Variants in IGBP1 observed in about 807,000 individuals in gnomAD.
IGBP1 encodes the protein immunoglobulin-binding protein 1.
Under a neutral mutation model 25.9 loss-of-function variants are expected in IGBP1, and 2 were observed. That is an observed-to-expected ratio of 0.08 (90% confidence interval 0.03 to 0.24). The LOEUF is 0.24. Ranked by LOEUF, IGBP1 falls within the 10% of genes least tolerant of loss-of-function variation. IGBP1 has a pLI of 1.00. For missense variants in IGBP1, 187 were observed against 260.4 expected, an observed-to-expected ratio of 0.72 and a Z score of 1.94; for synonymous variants, 96 against 93.4, an observed-to-expected ratio of 1.03 and a Z score of -0.16.
At chrX:70,141,327 A>C (rs2085128665) in intron 3 of IGBP1, among the ~76,000 whole-genome samples, 1 of 109,367 alleles carries the variant, frequency 9.1e-6, no homozygotes, top group Non-Finnish European at 1.9e-5. Flanking sequence ...AGCCTGGGCG[A>C]CAGAGCAAGA....
rs1383163755 is a variant in IGBP1, at chrX:70,133,522, C to T, written c.-244C>T. 2.9e-6 allele frequency: 1 copy of T among 341,312 alleles called. No individual in the cohort carries two copies. The highest frequency in any genetic ancestry group is 5.0e-6 in the Non-Finnish European group (1 of 198,303). 28.1% of individuals were successfully genotyped at this position (341,312 alleles called of 1,213,427 possible). On this transcript the variant is annotated 5_prime_UTR_variant, in exon 1 of 7. Coordinates refer to ENST00000356413, the MANE Select transcript of IGBP1 (RefSeq NM_001551.3). ...GGCTAGAGTCCCTGGACTCCTCAAC[C>T]TAGGGAGCTACTCGCGAGGTAAGGG...
rs2085155048 is a variant in IGBP1 at position 70,144,723 on chromosome X, G to A, written c.483-1910G>A. 9.3e-5 allele frequency among the ~76,000 whole-genome samples: 8 copies of A among 85,610 alleles called. No homozygotes were observed. In the South Asian group the frequency reaches 5.8e-3, roughly 62 times the overall value. The allele number at this position is 85,610 out of a possible 115,157, so 74.3% of individuals were successfully genotyped here. A position where few individuals can be genotyped will look rare whatever the true frequency, so the allele number is the denominator to read the frequency against. ...TTGCCAGGCTGGAATGCAGTGGCACGATCTCGGCTCACTGCAACCTCTCAC... is the reference window on the plus strand; with the variant it reads ...TTGCCAGGCTGGAATGCAGTGGCACAATCTCGGCTCACTGCAACCTCTCAC... On this transcript the variant is annotated intron_variant, in intron 3 of 6. Coordinates refer to ENST00000356413, the MANE Select transcript of IGBP1 (RefSeq NM_001551.3).
At position 70,146,691 on chromosome X, in the gene IGBP1, A is replaced by G. The variant is rs2085168594; in HGVS notation, c.541A>G (p.Ser181Gly). 1 of 1,204,627 alleles carries G rather than the reference A, an allele frequency of 8.3e-7. No homozygotes were observed. Among genetic ancestry groups the G allele is most frequent in the Non-Finnish European group, 1.1e-6 (1 of 891,864 alleles). ...GTCTGCAATGAAATCTGCTGTGGAA[A>G]GTGGTCAAGCAGATGATGAGCGTGT... is the stretch of plus-strand genomic sequence containing the variant. ...RLSAMKSAVE[S>G]GQADDERVRE... The change falls in exon 4 of 7, where the codon AGT becomes GGT. Residue 181 changes from serine (S) to glycine (G), a missense_variant. Ser to Gly is a moderately conservative substitution (Grantham distance 56). Transcript: ENST00000356413.
At chrX:70,148,646 A>G (rs1365273888) in intron 4 of IGBP1, 115 bp from the exon 5 acceptor site, 3 of 542,279 alleles carry the variant, frequency 5.5e-6, no homozygotes, top group Non-Finnish European at 9.8e-6. Context: ...ACTGATAAAT[A>G]GAAAGTGAGT....
At chrX:70,136,423 C>G (rs1396666498) in intron 3 of IGBP1, among the ~76,000 whole-genome samples, 1 of 111,546 alleles carries the variant, frequency 9.0e-6, no homozygotes, top group Non-Finnish European at 1.9e-5. Context: ...CTAGGCTAAG[C>G]TATGATGTTC....
At chrX:70,162,888 C>G (rs1172912897) in intron 6 of IGBP1, among the ~76,000 whole-genome samples, 1 of 110,824 alleles carries the variant, frequency 9.0e-6, no homozygotes, top group Non-Finnish European at 1.9e-5. Context: ...ACAGGAGAAT[C>G]GCTTGAGCCC....
chrX:70,139,441 A>G (rs2085117318), intron 3 of IGBP1, among the ~76,000 whole-genome samples: 1 of 112,071 alleles, frequency 8.9e-6, no homozygotes, highest in African/African-American at 3.2e-5. Flanking sequence ...CCTGACAGAT[A>G]TCAACACTTA....
intron 3 of IGBP1, among the ~76,000 whole-genome samples, chrX:70,140,172 T>G (rs143772472): frequency 4.2e-3 from 473 of 112,321 alleles, no homozygotes; most frequent in African/African-American, 0.015. Flanking sequence ...GAGTTTTGTC[T>G]CTCTCCCCTA....
rs184813229 is a variant in IGBP1, at chrX:70,133,887, T to C, written c.-61T>C. Reference sequence around the variant, plus strand: ...GTTTTGTCCGCGCTCGCCTAATTCTTCTTTATCAAGGTTGCCTTTGACCCC... The same window carrying C: ...GTTTTGTCCGCGCTCGCCTAATTCTCCTTTATCAAGGTTGCCTTTGACCCC... On this transcript the variant is annotated 5_prime_UTR_variant, in exon 2 of 7. Coordinates refer to ENST00000356413, the MANE Select transcript of IGBP1 (RefSeq NM_001551.3). 2.1e-4 allele frequency: 226 copies of C among 1,074,784 alleles called. No homozygotes were observed. The highest frequency in any genetic ancestry group is 1.8e-5 in the Non-Finnish European group (14 of 783,060). The allele number at this position is 1,074,784 out of a possible 1,213,427, so 88.6% of individuals were successfully genotyped here.
intron 6 of IGBP1, among the ~76,000 whole-genome samples, chrX:70,156,826 G>A (rs1162086007): frequency 9.0e-6 from 1 of 111,460 alleles, no homozygotes; most frequent in Non-Finnish European, 1.9e-5. Context: ...TGTAATCCCA[G>A]CTATTCGGGA....
Position 70,150,248 on chromosome X carries a change from C to T in IGBP1, c.797C>T (p.Thr266Met), listed in dbSNP as rs781617904. The T allele has an allele frequency of 5.1e-5, 61 of 1,202,067 alleles. No individual in the cohort carries two copies. The Middle Eastern group carries it at 1.2e-3, about 23-fold the overall frequency. The change falls in exon 6 of 7, where the codon ACG becomes ATG. Residue 266 changes from threonine (T) to methionine (M), a missense_variant. Physicochemically the swap from Thr to Met is moderately conservative, Grantham distance 81 (BLOSUM62 -1). Transcript: ENST00000356413. ...GAGYPSLPTMTVSDWYEQHRK... is the reference protein window; with the variant it reads ...GAGYPSLPTMMVSDWYEQHRK... ...GGTTATCCAAGTCTGCCAACTATGA[C>T]GGTGAGTGACTGGTATGAGCAACAT...
Position 70,165,865 on chromosome X carries a change from G to A in IGBP1, c.904G>A (p.Glu302Lys). ...EFRKAAQQQE[E>K]QEEKEEEDDE... is the part of the protein sequence containing the mutation. ...CAGAAAAGCAGCTCAGCAACAGGAA[G>A]AACAAGAAGAAAAGGAGGAAGAGGA... Residue 302 changes from glutamate to lysine, a missense_variant, in exon 7 of 7, where the codon GAA becomes AAA. Physicochemically the swap from Glu to Lys is moderately conservative, Grantham distance 56 (BLOSUM62 1). Coordinates refer to ENST00000356413, the MANE Select transcript of IGBP1 (RefSeq NM_001551.3). 2 of 1,208,481 alleles carry A rather than the reference G, an allele frequency of 1.7e-6. No individual in the cohort carries two copies. The highest frequency in any genetic ancestry group is 2.2e-6 in the Non-Finnish European group (2 of 893,636).
chrX:70,154,797 T>G (rs1420724948), intron 6 of IGBP1, among the ~76,000 whole-genome samples: 2 of 103,436 alleles, frequency 1.9e-5, no homozygotes, highest in Non-Finnish European at 2.0e-5. Context: ...CTCAGGAGGC[T>G]GAGGTGGGAG....
chrX:70,153,802 G>C (rs1160353849), intron 6 of IGBP1, among the ~76,000 whole-genome samples: 1 of 111,625 alleles, frequency 9.0e-6, no homozygotes, highest in Non-Finnish European at 1.9e-5. Flanking sequence ...CAAGCTCATC[G>C]ATGTAGCTGA....
chrX:70,150,110 C>T (rs2085193181), intron 5 of IGBP1, 100 bp from the exon 6 acceptor site: 1 of 538,269 alleles, frequency 1.9e-6, no homozygotes, highest in Admixed American at 2.7e-5. Context: ...GAAACGGACA[C>T]AGACTTTGTT....
At chrX:70,136,074 A>T (rs1466102231) in intron 3 of IGBP1, among the ~76,000 whole-genome samples, 1 of 111,672 alleles carries the variant, frequency 9.0e-6, no homozygotes, top group Non-Finnish European at 1.9e-5. Context: ...AACTATTATT[A>T]TTTGTGGCTA....
chrX:70,138,711 A>G (rs1215547056), intron 3 of IGBP1, among the ~76,000 whole-genome samples: 2 of 110,808 alleles, frequency 1.8e-5, no homozygotes, highest in African/African-American at 6.6e-5. Flanking sequence ...TTTTAACCTA[A>G]CATTATACCA....
chrX:70,144,833 T>A (rs2085156031), intron 3 of IGBP1, among the ~76,000 whole-genome samples: 1 of 106,886 alleles, frequency 9.4e-6, no homozygotes, highest in African/African-American at 3.4e-5. Flanking sequence ...CTAATTTTTG[T>A]ATTTTTAGTA....
intron 6 of IGBP1, among the ~76,000 whole-genome samples, chrX:70,158,694 T>C (rs2085254935): frequency 9.1e-6 from 1 of 109,437 alleles, no homozygotes; most frequent in Non-Finnish European, 1.9e-5. Context: ...AAAAGAAAAA[T>C]TAGCCGGGCA....
Sources: gnomAD v4.1 joint callset for allele counts (sites outside exome capture counted in the v4.1 genomes callset) on GRCh38, gnomAD v4.1.1 for gene constraint, MANE v1.5 for transcripts, NCBI Gene and HGNC (gene_info 2026-07-23, HGNC 2026-07-21) for gene names.